Variants in SARDH observed in about 807,000 individuals in gnomAD.
SARDH encodes the protein sarcosine dehydrogenase.
A neutral mutation model predicts 109.1 loss-of-function variants in SARDH; 95 were observed. The observed-to-expected ratio is 0.87, with a 90% CI of 0.74 to 1.03. SARDH has a LOEUF of 1.03. SARDH is among the 50% of genes least tolerant of loss of function. The pLI, the probability that SARDH is intolerant of heterozygous loss-of-function variation, is 0.00. For missense variants in SARDH, 1,267 were observed against 1,287.8 expected, an observed-to-expected ratio of 0.98 and a Z score of 0.25; for synonymous variants, 572 against 534.8, an observed-to-expected ratio of 1.07 and a Z score of -0.96.
At chr9:133,683,912 G>A (rs1324385961) in intron 17 of SARDH, among the ~76,000 whole-genome samples, 2 of 152,178 alleles carry the variant, frequency 1.3e-5, no homozygotes, top group Non-Finnish European at 2.9e-5. Flanking sequence ...CCCTCCTGAA[G>A]GCCACATCCG....
At chr9:133,685,116 G>T in intron 17 of SARDH, 77 bp downstream of exon 17, 1 of 1,238,478 alleles carries the variant, frequency 8.1e-7, no homozygotes, top group Non-Finnish European at 1.1e-6. Flanking sequence ...AGAGCCCCCA[G>T]CCCCCAGATC....
At chr9:133,660,578 C>T (rs1832400249), downstream of SARDH, among the ~76,000 whole-genome samples, 1 of 152,232 alleles carries the variant, frequency 6.6e-6, no homozygotes. Flanking sequence ...TCCAGCAGCC[C>T]AGGTTGCTAT....
chr9:133,707,572 C>T (rs1367655955), intron 11 of SARDH, among the ~76,000 whole-genome samples: 4 of 152,176 alleles, frequency 2.6e-5, no homozygotes, highest in Non-Finnish European at 5.9e-5. Flanking sequence ...CACCTGCTCC[C>T]TGAGCCTCCC....
chr9:133,687,463 TAG>T (rs921599026), intron 16 of SARDH, among the ~76,000 whole-genome samples: 2 of 152,138 alleles, frequency 1.3e-5, no homozygotes, highest in Non-Finnish European at 2.9e-5. Flanking sequence ...GTTGTTTTTT[TAG>T]AGATAGGATC....
intron 15 of SARDH, 112 bp downstream of exon 15, chr9:133,694,146 A>C (rs1831198786): frequency 1.3e-6 from 1 of 755,644 alleles, no homozygotes; most frequent in African/African-American, 1.8e-5. Flanking sequence ...CACAACAGCT[A>C]ATGACAGAGC....
At chr9:133,698,828 A>G (rs1831378531) in intron 13 of SARDH, among the ~76,000 whole-genome samples, 1 of 152,244 alleles carries the variant, frequency 6.6e-6, no homozygotes, top group Non-Finnish European at 1.5e-5. Context: ...TCTTAGAAGA[A>G]AACATAAATG....
chr9:133,737,372 G>A lies in SARDH; in HGVS notation c.-31+882C>T, dbSNP rs564143680. ...AGCCCTCAGTGTGTCAGCCCGCCTG[G>A]CTCCTGCCTGCAGAGGTGGCCCCGG... is the stretch of plus-strand genomic sequence containing the variant. On this transcript the variant is annotated intron_variant, in intron 1 of 20. Coordinates refer to ENST00000439388, the MANE Select transcript of SARDH (RefSeq NM_001134707.2). 7.2e-5 allele frequency among the ~76,000 whole-genome samples: 11 copies of A among 152,334 alleles called. No homozygotes were observed. The East Asian group carries it at 1.9e-3, about 27-fold the overall frequency.
chr9:133,724,402 A>G (rs1832420921), intron 6 of SARDH, among the ~76,000 whole-genome samples: 1 of 152,258 alleles, frequency 6.6e-6, no homozygotes, highest in South Asian at 2.1e-4. Context: ...CAGTAAGCAC[A>G]TGAAGAGATG....
chr9:133,693,269 T>C lies in SARDH; in HGVS notation c.1921+989A>G, dbSNP rs1831166922. 6.6e-6 allele frequency among the ~76,000 whole-genome samples: 1 copy of C among 152,220 alleles called. No homozygotes were observed. The highest frequency in any genetic ancestry group is 1.5e-5 in the Non-Finnish European group (1 of 68,032). On this transcript the variant is annotated intron_variant, in intron 15 of 20. Coordinates refer to ENST00000439388, the MANE Select transcript of SARDH (RefSeq NM_001134707.2). The surrounding 1 kb of genome is among the most constrained non-coding windows in gnomAD (Gnocchi z 5.6). ...AGCCTGACACACAGTCGGTGCTCAA[T>C]GACTGCTGCCGAAGGTGCGGGTTAT...
intron 11 of SARDH, 110 bp downstream of exon 11, chr9:133,708,177 C>T: frequency 7.6e-7 from 1 of 1,323,086 alleles, no homozygotes; most frequent in Non-Finnish European, 1.0e-6. Context: ...CACCTTGTCA[C>T]CGCACCTGAC....
rs368486900 is a variant in SARDH at position 133,718,757 on chromosome 9, C to A, written c.1020+181G>T. ...GCTGCCCTGGGTCTGTATTTGACTG[C>A]CTGCCAGGACCGTCAGGGTAAGAGC... On this transcript the variant is annotated intron_variant, in intron 7 of 20. Coordinates refer to ENST00000439388, the MANE Select transcript of SARDH (RefSeq NM_001134707.2). This position sits in a 1 kb window ranked among gnomAD's most constrained non-coding sequence, Gnocchi z 4.2. The A allele has an allele frequency of 6.9e-5, 54 of 781,312 alleles. 1 individual carries two copies. The highest frequency in any genetic ancestry group is 3.4e-4 in the East Asian group (14 of 40,906). The allele number at this position is 781,312 out of a possible 1,614,324, so 48.4% of individuals were successfully genotyped here. A position where few individuals can be genotyped will look rare whatever the true frequency, so the allele number is the denominator to read the frequency against.
Position 133,666,493 on chromosome 9 carries a change from C to CCTCCCTCCTCCCT in SARDH, c.2631+229_2631+241dup, listed in dbSNP as rs986011979. On this transcript the variant is annotated intron_variant, in intron 20 of 20. Coordinates refer to ENST00000439388, the MANE Select transcript of SARDH (RefSeq NM_001134707.2). The surrounding 1 kb of genome is among the most constrained non-coding windows in gnomAD (Gnocchi z 5.2). ...CCTCTTCCTCCCCCTTCTCCTTCTC[C>CCTCCCTCCTCCCT]CTCCCTCCTCCCTCTCCCTCCTCCT... Among the ~76,000 whole-genome samples the CCTCCCTCCTCCCT allele has an allele frequency of 3.3e-5, 5 of 151,306 alleles. No individual in the cohort carries two copies. The highest frequency in any genetic ancestry group is 9.7e-5 in the African/African-American group (4 of 41,230).
chr9:133,676,936 T>C (rs1256093006), intron 17 of SARDH, among the ~76,000 whole-genome samples: 1 of 152,138 alleles, frequency 6.6e-6, no homozygotes, highest in Non-Finnish European at 1.5e-5. Context: ...GCCAGGAGTT[T>C]GAGACCAGCC....
In SARDH at chr9:133,701,308, G is replaced by A. The variant is rs1015711777; in HGVS notation, c.1668+1608C>T. On this transcript the variant is annotated intron_variant, in intron 13 of 20. Coordinates refer to ENST00000439388, the MANE Select transcript of SARDH (RefSeq NM_001134707.2). ...TAAGCTGTTACCAGCACACCACAGGGACCATCTGCCTCCTGAGCTCTCCAT... is the reference window on the plus strand; with the variant it reads ...TAAGCTGTTACCAGCACACCACAGGAACCATCTGCCTCCTGAGCTCTCCAT... Among the ~76,000 whole-genome samples, 3 of 152,340 alleles carry A rather than the reference G, an allele frequency of 2.0e-5. No individual in the cohort carries two copies. In the South Asian group the frequency reaches 6.2e-4, roughly 32 times the overall value.
In SARDH at chr9:133,681,918, C is replaced by G. The variant is rs146303083; in HGVS notation, c.2163+3275G>C. 4.2e-3 allele frequency among the ~76,000 whole-genome samples: 632 copies of G among 152,112 alleles called. 7 individuals are homozygous for G. Among genetic ancestry groups the G allele is most frequent in the African/African-American group, 0.015 (602 of 41,440 alleles). Reference sequence around the variant, plus strand: ...ACCTCCCCTGTGTTTCCCCTCCCCCCCATCCCACACGCAGGGACCCCAGCC... The same window carrying G: ...ACCTCCCCTGTGTTTCCCCTCCCCCGCATCCCACACGCAGGGACCCCAGCC... On this transcript the variant is annotated intron_variant, in intron 17 of 20. Transcript: ENST00000439388.
chr9:133,666,350 C>A lies in SARDH; in HGVS notation c.2631+385G>T, dbSNP rs1238798288. Among the ~76,000 whole-genome samples, 2 of 152,130 alleles carry A rather than the reference C, an allele frequency of 1.3e-5. No homozygotes were observed. Among genetic ancestry groups the A allele is most frequent in the Admixed American group, 1.3e-4 (2 of 15,280 alleles). ...GGAAGGTATCAGCCTGGCTGGCTGG[C>A]ACCTCCTTCTAACCAAAAAAAGCCT... is the stretch of plus-strand genomic sequence containing the variant. On this transcript the variant is annotated intron_variant, in intron 20 of 20. Coordinates refer to ENST00000439388, the MANE Select transcript of SARDH (RefSeq NM_001134707.2). This position sits in a 1 kb window ranked among gnomAD's most constrained non-coding sequence, Gnocchi z 5.2.
intron 17 of SARDH, among the ~76,000 whole-genome samples, chr9:133,677,983 C>T (rs116092283): frequency 0.01 from 1,528 of 152,330 alleles, 26 homozygotes; most frequent in African/African-American, 0.034. Context: ...GGCTATCTCC[C>T]TCCAAATTGG....
intron 17 of SARDH, among the ~76,000 whole-genome samples, chr9:133,678,682 C>A (rs1830597623): frequency 6.6e-6 from 1 of 152,246 alleles, no homozygotes; most frequent in Admixed American, 6.5e-5. Context: ...TCCCCACAGT[C>A]CATCCCCACA....
At position 133,704,850 on chromosome 9, in the gene SARDH, GCGGGGCACACGGAGGGGCAAGGA is replaced by G. The variant is rs974522584; in HGVS notation, c.1554+75_1554+97del. ...CACGACAGTGGAACCACCTGGGGAG[GCGGGGCACACGGAGGGGCAAGGA>G]CGGGGCACGTGGAGGGGCAAGGGGG... is the stretch of plus-strand genomic sequence containing the variant. On this transcript the variant is annotated intron_variant, in intron 12 of 20. Transcript: ENST00000439388. The surrounding 1 kb of genome is among the most constrained non-coding windows in gnomAD (Gnocchi z 4.5). 8.9e-6 allele frequency: 9 copies of G among 1,008,158 alleles called. No individual in the cohort carries two copies. Among genetic ancestry groups the G allele is most frequent in the African/African-American group, 6.4e-5 (4 of 62,896 alleles). 62.5% of individuals were successfully genotyped at this position (1,008,158 alleles called of 1,614,324 possible).
Sources: gnomAD v4.1 joint callset for allele counts (sites outside exome capture counted in the v4.1 genomes callset) on GRCh38, gnomAD v4.1.1 for gene constraint, Gnocchi (gnomAD v3.1) non-coding constraint, MANE v1.5 for transcripts, NCBI Gene and HGNC (gene_info 2026-07-23, HGNC 2026-07-21) for gene names.